Variants in TNFSF4 observed in about 807,000 individuals in gnomAD.
The protein encoded by TNFSF4 is TNF superfamily member 4.
A neutral mutation model predicts 7.3 loss-of-function variants in TNFSF4; 4 were observed. The observed-to-expected ratio is 0.55, with a 90% CI of 0.27 to 1.25. The LOEUF is 1.25. TNFSF4 is among the 50% of genes most tolerant of loss of function. TNFSF4 has a pLI of 0.12. For synonymous variants in TNFSF4, 76 were observed against 83.7 expected (o/e 0.91, Z 0.50); for missense variants, 181 against 208.8 (o/e 0.87, Z 0.82).
At chr1:173,312,293 C>A in the TNFSF4 span, among the ~76,000 whole-genome samples, 1 of 152,062 alleles carries the variant, frequency 6.6e-6, no homozygotes, top group African/African-American at 2.4e-5. Context: ...AATTATCTAT[C>A]AGCATTTCAA....
chr1:173,285,158 G>A, the TNFSF4 span, among the ~76,000 whole-genome samples: 1 of 152,028 alleles, frequency 6.6e-6, no homozygotes, highest in African/African-American at 2.4e-5. Flanking sequence ...CAACCCTCAT[G>A]AATGACTGTG....
the TNFSF4 span, among the ~76,000 whole-genome samples, chr1:173,300,099 GTAGATAGA>G: frequency 0.1 from 15,256 of 147,748 alleles, 953 homozygotes; most frequent in African/African-American, 0.19. Flanking sequence ...AAAATAGATG[GTAGATAGA>G]TAGATAGATA....
chr1:173,445,733 G>A, the TNFSF4 span, among the ~76,000 whole-genome samples: 1 of 152,058 alleles, frequency 6.6e-6, no homozygotes, highest in Non-Finnish European at 1.5e-5. Context: ...CAGAGGATGA[G>A]GAATAGAAAA....
chr1:173,338,601 G>A, the TNFSF4 span, among the ~76,000 whole-genome samples: 1 of 152,164 alleles, frequency 6.6e-6, no homozygotes, highest in Non-Finnish European at 1.5e-5. Context: ...AGTGTCCAAT[G>A]TACAGTGCTG....
At chr1:173,331,056 T>G in the TNFSF4 span, among the ~76,000 whole-genome samples, 2 of 152,042 alleles carry the variant, frequency 1.3e-5, no homozygotes, top group Non-Finnish European at 2.9e-5. Context: ...GGCTAATTTT[T>G]GTATTTTTAG....
At chr1:173,278,621 T>C in the TNFSF4 span, among the ~76,000 whole-genome samples, 1 of 152,046 alleles carries the variant, frequency 6.6e-6, no homozygotes, top group African/African-American at 2.4e-5. Context: ...TCAAATATGA[T>C]CTCAGCACAG....
At chr1:173,362,016 T>G in the TNFSF4 span, among the ~76,000 whole-genome samples, 1 of 152,210 alleles carries the variant, frequency 6.6e-6, no homozygotes, top group Non-Finnish European at 1.5e-5. Flanking sequence ...GGCTAACATG[T>G]CCATTAGCAC....
the TNFSF4 span, among the ~76,000 whole-genome samples, chr1:173,214,303 T>C: frequency 6.6e-6 from 1 of 152,220 alleles, no homozygotes; most frequent in East Asian, 1.9e-4. Context: ...AATCCAGCTT[T>C]GTTTACTCTG....
At chr1:173,394,477 G>A in the TNFSF4 span, among the ~76,000 whole-genome samples, 459 of 152,118 alleles carry the variant, frequency 3.0e-3, 3 homozygotes, top group African/African-American at 8.3e-3. Context: ...CCAGATATTC[G>A]GCTAAACATT....
chr1:173,385,284 T>C, the TNFSF4 span, among the ~76,000 whole-genome samples: 2 of 152,212 alleles, frequency 1.3e-5, no homozygotes, highest in Non-Finnish European at 2.9e-5. Context: ...ACCGGTGAAT[T>C]GTTTTCATAA....
chr1:173,376,255 A>G, the TNFSF4 span, among the ~76,000 whole-genome samples: 1 of 152,236 alleles, frequency 6.6e-6, no homozygotes. Context: ...AATACTATGC[A>G]GCCATAAAAA....
At chr1:173,275,358 A>G in the TNFSF4 span, among the ~76,000 whole-genome samples, 2 of 152,118 alleles carry the variant, frequency 1.3e-5, no homozygotes, top group African/African-American at 4.8e-5. Context: ...CTTTTTCAAG[A>G]AACAAATCTA....
chr1:173,229,316 C>T, the TNFSF4 span, among the ~76,000 whole-genome samples: 258 of 152,280 alleles, frequency 1.7e-3, no homozygotes, highest in Non-Finnish European at 2.6e-3. Context: ...CCCAGAATTT[C>T]ATATCCAGCC....
the TNFSF4 span, among the ~76,000 whole-genome samples, chr1:173,342,501 G>A: frequency 2.7e-5 from 4 of 150,778 alleles, no homozygotes; most frequent in Admixed American, 6.6e-5. Flanking sequence ...ACCACAACAC[G>A]AATGATGCAT....
chr1:173,244,667 CA>C, the TNFSF4 span, among the ~76,000 whole-genome samples: 4 of 134,846 alleles, frequency 3.0e-5, no homozygotes, highest in East Asian at 2.1e-4. Context: ...ACAAAAAAAA[CA>C]AAAAAAAAAC....
chr1:173,248,722 C>T, the TNFSF4 span, among the ~76,000 whole-genome samples: 1 of 152,120 alleles, frequency 6.6e-6, no homozygotes, highest in Non-Finnish European at 1.5e-5. Flanking sequence ...AGTCATGTTA[C>T]AAATTTGGAG....
At chr1:173,176,126 G>T in the TNFSF4 span, among the ~76,000 whole-genome samples, 2 of 152,114 alleles carry the variant, frequency 1.3e-5, no homozygotes, top group Admixed American at 1.3e-4. Context: ...TAGTAGTGGT[G>T]TAATTGCTTT....
At chr1:173,301,183 A>T in the TNFSF4 span, among the ~76,000 whole-genome samples, 1 of 151,930 alleles carries the variant, frequency 6.6e-6, no homozygotes, top group Non-Finnish European at 1.5e-5. Context: ...AGAAGCTATT[A>T]TCTTTATACA....
chr1:173,211,883 C>A (rs947083468), upstream of TNFSF4, among the ~76,000 whole-genome samples: 1 of 152,174 alleles, frequency 6.6e-6, no homozygotes, highest in Non-Finnish European at 1.5e-5. Context: ...TCTAGAAATT[C>A]TGATTCCTTG....
Sources: allele counts gnomAD v4.1 joint callset (sites outside exome capture counted in the v4.1 genomes callset), GRCh38; gene constraint gnomAD v4.1.1; transcripts MANE v1.5; gene names NCBI Gene and HGNC (gene_info 2026-07-23, HGNC 2026-07-21).